SEL1L3: variants seen among roughly 807,000 people sequenced by gnomAD.
SEL1L3 encodes protein sel-1 homolog 3.
SEL1L3 carries 76 observed loss-of-function variants against 142.8 expected under a neutral mutation model. The ratio of observed to expected loss-of-function variants is 0.53; its 90% CI spans 0.44 to 0.64. The LOEUF (loss-of-function observed/expected upper bound fraction) is 0.64. Ranked by LOEUF, SEL1L3 falls within the 30% of genes least tolerant of loss-of-function variation. The pLI is 0.00. For synonymous variants in SEL1L3, 504 were observed against 519.6 expected (o/e 0.97, Z 0.41); for missense variants, 1,262 against 1,381.7 (o/e 0.91, Z 1.37).
chr4:25,829,281 T>C (rs1424895652), intron 6 of SEL1L3, among the ~76,000 whole-genome samples: 1 of 152,242 alleles, frequency 6.6e-6, no homozygotes, highest in Non-Finnish European at 1.5e-5. Flanking sequence ...CCTACACTTG[T>C]TCTTAAGCCT....
chr4:25,787,700 T>C (rs4697622), intron 13 of SEL1L3, among the ~76,000 whole-genome samples: 30,900 of 152,082 alleles, frequency 0.2, 3,230 homozygotes, highest in Middle Eastern at 0.27. Flanking sequence ...TTTGTGGTCA[T>C]TGCCACTGTC....
chr4:25,831,507 A>T lies in SEL1L3; in HGVS notation c.1099-1351T>A, dbSNP rs79466770. ...ATTATTTTTAAATAATAATAATAATAATAATTATTATTATTATTATTATTA... is the reference window on the plus strand; with the variant it reads ...ATTATTTTTAAATAATAATAATAATTATAATTATTATTATTATTATTATTA... On this transcript the variant is annotated intron_variant, in intron 5 of 23. Transcript: ENST00000399878. Among the ~76,000 whole-genome samples the T allele has an allele frequency of 7.0e-3, 782 of 112,144 alleles. 3 individuals are homozygous for T. The highest frequency in any genetic ancestry group is 8.7e-3 in the Non-Finnish European group (507 of 58,116). 73.6% of individuals were successfully genotyped at this position (112,144 alleles called of 152,430 possible).
Position 25,842,725 on chromosome 4 carries a change from TCAA to T in SEL1L3, c.733+4566_733+4568del, listed in dbSNP as rs532324445. Among the ~76,000 whole-genome samples, 57 of 152,360 alleles carry T rather than the reference TCAA, an allele frequency of 3.7e-4. No individual in the cohort carries two copies. In the East Asian group the frequency reaches 0.011, roughly 29 times the overall value. On this transcript the variant is annotated intron_variant, in intron 2 of 23. Coordinates refer to ENST00000399878, the MANE Select transcript of SEL1L3 (RefSeq NM_015187.5). ...CTCTTGGTTAAGAGCATTCATTCAA[TCAA>T]CAAGTAGTCATGAGTGCAGGGGCCT...
At chr4:25,856,611 A>C (rs899305926) in intron 1 of SEL1L3, among the ~76,000 whole-genome samples, 500 of 151,364 alleles carry the variant, frequency 3.3e-3, no homozygotes, top group African/African-American at 0.011. Context: ...AAAAAAAAAA[A>C]AACAAAGAAA....
chr4:25,791,663 G>A (rs550881500), intron 11 of SEL1L3, among the ~76,000 whole-genome samples: 323 of 152,274 alleles, frequency 2.1e-3, no homozygotes, highest in Non-Finnish European at 3.8e-3. Context: ...GAAGAGTATT[G>A]AGCACTTTGG....
intron 5 of SEL1L3, among the ~76,000 whole-genome samples, chr4:25,831,402 T>C (rs1222481944): frequency 2.0e-5 from 3 of 151,610 alleles, no homozygotes; most frequent in Non-Finnish European, 1.5e-5. Context: ...AGAGAAATCT[T>C]CTCATGATAC....
At chr4:25,852,325 G>A (rs1716963066) in intron 1 of SEL1L3, among the ~76,000 whole-genome samples, 1 of 152,170 alleles carries the variant, frequency 6.6e-6, no homozygotes, top group African/African-American at 2.4e-5. Context: ...CCACGCCATA[G>A]CAAATGATAT....
chr4:25,855,705 G>A (rs1388267111), intron 1 of SEL1L3, among the ~76,000 whole-genome samples: 3 of 152,048 alleles, frequency 2.0e-5, no homozygotes, highest in Non-Finnish European at 2.9e-5. Flanking sequence ...AGGTTGCAGT[G>A]AGCCGAGATT....
intron 13 of SEL1L3, among the ~76,000 whole-genome samples, chr4:25,786,669 T>G (rs968543632): frequency 1.3e-5 from 2 of 152,222 alleles, no homozygotes; most frequent in African/African-American, 2.4e-5. Context: ...TGGACGTGAC[T>G]CATGCATCCA....
chr4:25,781,005 T>C (rs1380796480), intron 15 of SEL1L3, among the ~76,000 whole-genome samples: 1 of 151,462 alleles, frequency 6.6e-6, no homozygotes. Context: ...TCTGTATTTT[T>C]AGTGATGAGG....
the SEL1L3 span, among the ~76,000 whole-genome samples, chr4:25,731,435 A>C: frequency 3.9e-5 from 6 of 152,204 alleles, no homozygotes; most frequent in Non-Finnish European, 7.3e-5. Context: ...TCCTCACCAC[A>C]ATCAAGATGG....
rs200976344 is a variant in SEL1L3, at chr4:25,801,262, G to C, written c.1956+1021C>G. Among the ~76,000 whole-genome samples the C allele has an allele frequency of 1.8e-4, 28 of 152,340 alleles. 1 individual carries two copies. In the East Asian group the frequency reaches 5.4e-3, roughly 29 times the overall value. On this transcript the variant is annotated intron_variant, in intron 11 of 23. Coordinates refer to ENST00000399878, the MANE Select transcript of SEL1L3 (RefSeq NM_015187.5). ...TACTGAAAATAAAAAAATTAGCTGG[G>C]CATGGTGGCACACGCCTGTAATCCC...
chr4:25,766,487 G>T (rs1718743962), intron 19 of SEL1L3, among the ~76,000 whole-genome samples: 1 of 151,124 alleles, frequency 6.6e-6, no homozygotes, highest in Admixed American at 6.6e-5. Context: ...GTCCAATAAG[G>T]AAAACAGAAC....
chr4:25,862,372 C>G (rs1001551039), intron 1 of SEL1L3, among the ~76,000 whole-genome samples: 1 of 151,702 alleles, frequency 6.6e-6, no homozygotes, highest in Non-Finnish European at 1.5e-5. Flanking sequence ...CGGCGAGGCT[C>G]CCGGGTGGAG....
intron 2 of SEL1L3, among the ~76,000 whole-genome samples, chr4:25,843,355 G>A (rs754677585): frequency 2.6e-5 from 4 of 152,150 alleles, no homozygotes; most frequent in Non-Finnish European, 2.9e-5. Context: ...GGAGGATGAC[G>A]GCTTAGACCA....
At position 25,862,912 on chromosome 4, in the gene SEL1L3, C is replaced by G; in HGVS notation, c.-76G>C. ...GGCCCCCGCCCGAGGCGCCACCTTC[C>G]CGCCCGCCCCCGGCCGGGCCGGCCG... On this transcript the variant is annotated 5_prime_UTR_variant, in exon 1 of 24. Coordinates refer to ENST00000399878, the MANE Select transcript of SEL1L3 (RefSeq NM_015187.5). 12 of 973,762 alleles carry G rather than the reference C, an allele frequency of 1.2e-5. No individual in the cohort carries two copies. Among genetic ancestry groups the G allele is most frequent in the Non-Finnish European group, 1.5e-5 (12 of 816,908 alleles). 60.3% of individuals were successfully genotyped at this position (973,762 alleles called of 1,614,324 possible).
chr4:25,719,814 C>G, the SEL1L3 span: 1 of 151,988 alleles, frequency 6.6e-6, no homozygotes, highest in African/African-American at 2.4e-5. Context: ...AAGGAAAGGC[C>G]CACGGCAGCT....
intron 19 of SEL1L3, among the ~76,000 whole-genome samples, chr4:25,766,075 T>C (rs1718705749): frequency 6.6e-6 from 1 of 152,236 alleles, no homozygotes; most frequent in Admixed American, 6.5e-5. Flanking sequence ...ATCTTTGATG[T>C]CTGTTTTTGG....
intron 23 of SEL1L3, among the ~76,000 whole-genome samples, chr4:25,750,788 C>G (rs1430699596): frequency 6.6e-6 from 1 of 152,164 alleles, no homozygotes; most frequent in Non-Finnish European, 1.5e-5. Flanking sequence ...CAGGAAACAG[C>G]AGGAAAAGGT....
Sources: allele counts gnomAD v4.1 joint callset (sites outside exome capture counted in the v4.1 genomes callset), GRCh38; gene constraint gnomAD v4.1.1; transcripts MANE v1.5; gene names NCBI Gene and HGNC (gene_info 2026-07-23, HGNC 2026-07-21).